The following CNN3 variants were observed in gnomAD, a reference collection of about 807,000 sequenced individuals.
CNN3 encodes calponin-3.
In CNN3, 11 loss-of-function variants were observed where a neutral mutation model predicts 39.0. That is an observed-to-expected ratio of 0.28 (90% CI 0.18 to 0.47). CNN3 has a LOEUF of 0.47. Among genes scored for constraint, CNN3 ranks in the 20% least tolerant of loss-of-function variants. CNN3 has a pLI of 0.99. For missense variants in CNN3, 266 were observed against 403.4 expected, an observed-to-expected ratio of 0.66 and a Z score of 2.92; for synonymous variants, 101 against 138.3, an observed-to-expected ratio of 0.73 and a Z score of 1.89.
rs375960269 is a variant in CNN3, at chr1:94,916,735, A to T, written c.57+10103T>A. On this transcript the variant is annotated intron_variant, in intron 1 of 6. Coordinates refer to ENST00000370206, the MANE Select transcript of CNN3 (RefSeq NM_001839.5). ...ATGCTTGAATTAGAAGCCCATTTCC[A>T]CCATGCACAAAGTTTCCTCTGCTTC... Among the ~76,000 whole-genome samples the T allele has an allele frequency of 1.2e-4, 18 of 152,340 alleles. 1 individual carries two copies. The highest frequency in any genetic ancestry group is 8.5e-4 in the Admixed American group (13 of 15,310).
chr1:94,918,280 G>T (rs914640832), intron 1 of CNN3, among the ~76,000 whole-genome samples: 1 of 152,008 alleles, frequency 6.6e-6, no homozygotes, highest in Non-Finnish European at 1.5e-5. Flanking sequence ...ATCACCTGAG[G>T]TCAGAAGTTC....
chr1:94,919,887 G>A (rs549160032), intron 1 of CNN3, among the ~76,000 whole-genome samples: 18 of 151,712 alleles, frequency 1.2e-4, no homozygotes, highest in Non-Finnish European at 2.4e-4. Flanking sequence ...CCTACCTTGT[G>A]GGGGAAAACT....
chr1:94,907,614 A>C (rs1381158712), intron 1 of CNN3, among the ~76,000 whole-genome samples: 1 of 152,230 alleles, frequency 6.6e-6, no homozygotes, highest in Non-Finnish European at 1.5e-5. Flanking sequence ...TAATCCCAGC[A>C]TTCTGGGAGG....
chr1:94,907,984 C>T (rs1671054049), intron 1 of CNN3, among the ~76,000 whole-genome samples: 1 of 152,208 alleles, frequency 6.6e-6, no homozygotes, highest in Non-Finnish European at 1.5e-5. Flanking sequence ...GACTTTCTGC[C>T]TGGCTCTTTC....
chr1:94,924,338 G>C (rs1045905429), intron 1 of CNN3: 14 of 152,376 alleles, frequency 9.2e-5, no homozygotes, highest in African/African-American at 3.4e-4. Context: ...ATGGGAGGAA[G>C]GGCTGGGCGC....
chr1:94,898,517 T>G (rs1670781868), intron 6 of CNN3, among the ~76,000 whole-genome samples: 2 of 152,056 alleles, frequency 1.3e-5, no homozygotes, highest in South Asian at 2.1e-4. Context: ...TTTCAAAAAT[T>G]TATAATATAT....
At chr1:94,912,062 A>G (rs1018336394) in intron 1 of CNN3, among the ~76,000 whole-genome samples, 13 of 151,898 alleles carry the variant, frequency 8.6e-5, no homozygotes, top group African/African-American at 3.1e-4. Flanking sequence ...GTGAAATTCC[A>G]TCTCAAAAAA....
chr1:94,914,163 A>G (rs1310325536), intron 1 of CNN3, among the ~76,000 whole-genome samples: 1 of 152,192 alleles, frequency 6.6e-6, no homozygotes, highest in African/African-American at 2.4e-5. Flanking sequence ...CTGTCTCTTC[A>G]GCAGGACCTC....
At chr1:94,899,656 C>T in intron 5 of CNN3, 139 bp from the exon 6 acceptor site, 1 of 802,234 alleles carries the variant, frequency 1.2e-6, no homozygotes, top group Non-Finnish European at 1.9e-6. Context: ...GTCAACTCTT[C>T]TATGTGTCTA....
chr1:94,925,880 C>G lies in CNN3; in HGVS notation c.57+958G>C, dbSNP rs572477449. The G allele has an allele frequency of 5.3e-4, 494 of 932,522 alleles. 4 individuals carry two copies. In the South Asian group the frequency reaches 0.02, roughly 37 times the overall value. The allele number at this position is 932,522 out of a possible 1,614,324, so 57.8% of individuals were successfully genotyped here. A position where few individuals can be genotyped will look rare whatever the true frequency, so the allele number is the denominator to read the frequency against. Reference sequence around the variant, plus strand: ...CGCGCCGATTGGCTGGTCTCTCCCCCCAGAAACCCCTGATGTCATGGGCTT... The same window carrying G: ...CGCGCCGATTGGCTGGTCTCTCCCCGCAGAAACCCCTGATGTCATGGGCTT... On this transcript the variant is annotated intron_variant, in intron 1 of 6. Coordinates refer to ENST00000370206, the MANE Select transcript of CNN3 (RefSeq NM_001839.5).
rs911547310 is a variant in CNN3 at position 94,896,996 on chromosome 1, T to A, written c.*746A>T. ...AAATATTTATTTATAAAAAATACAA[T>A]GGGATAAGTTTATGCTGAGAAATGC... On this transcript the variant is annotated 3_prime_UTR_variant, in exon 7 of 7. Transcript: ENST00000370206. 4 of 152,348 alleles carry A rather than the reference T, an allele frequency of 2.6e-5. No homozygotes were observed. In the South Asian group the frequency reaches 6.2e-4, roughly 24 times the overall value. The allele number at this position is 152,348 out of a possible 1,614,324, so 9.4% of individuals were successfully genotyped here.
Position 94,897,526 on chromosome 1 carries a change from G to C in CNN3, c.*216C>G. ...CTTTTTACTTCATATGCGAGTTATT[G>C]ATTATGCTGTAGGATTTAACTATTA... On this transcript the variant is annotated 3_prime_UTR_variant, in exon 7 of 7. Coordinates refer to ENST00000370206, the MANE Select transcript of CNN3 (RefSeq NM_001839.5). 2.0e-6 allele frequency: 1 copy of C among 510,152 alleles called. No homozygotes were observed. The highest frequency in any genetic ancestry group is 3.3e-5 in the South Asian group (1 of 30,164). The allele number at this position is 510,152 out of a possible 1,614,324, so 31.6% of individuals were successfully genotyped here. A position where few individuals can be genotyped will look rare whatever the true frequency, so the allele number is the denominator to read the frequency against.
chr1:94,904,628 T>A (rs1670949833), intron 1 of CNN3, among the ~76,000 whole-genome samples: 1 of 152,034 alleles, frequency 6.6e-6, no homozygotes, highest in African/African-American at 2.4e-5. Context: ...ATGCCTGTCA[T>A]CCCAGTGACT....
intron 1 of CNN3, among the ~76,000 whole-genome samples, chr1:94,906,146 C>T (rs1388218641): frequency 6.6e-6 from 1 of 152,108 alleles, no homozygotes; most frequent in East Asian, 1.9e-4. Context: ...CCACGCCACG[C>T]TAATTTTCAT....
intron 1 of CNN3, among the ~76,000 whole-genome samples, chr1:94,915,190 C>G (rs1671252183): frequency 1.3e-5 from 2 of 152,050 alleles, no homozygotes; most frequent in African/African-American, 4.8e-5. Flanking sequence ...AAGTAAAAAG[C>G]CATTAGGTTC....
At chr1:94,916,077 C>A (rs2101734993) in intron 1 of CNN3, among the ~76,000 whole-genome samples, 1 of 152,216 alleles carries the variant, frequency 6.6e-6, no homozygotes, top group African/African-American at 2.4e-5. Flanking sequence ...TTAATTGAAC[C>A]TGCTGCCAGC....
chr1:94,907,324 T>C (rs1183236521), intron 1 of CNN3, among the ~76,000 whole-genome samples: 1 of 152,228 alleles, frequency 6.6e-6, no homozygotes, highest in Non-Finnish European at 1.5e-5. Flanking sequence ...GTGAGCTTTA[T>C]GCAGTCAGGC....
chr1:94,914,774 T>C (rs987039414), intron 1 of CNN3, among the ~76,000 whole-genome samples: 9 of 152,184 alleles, frequency 5.9e-5, no homozygotes, highest in African/African-American at 1.7e-4. Flanking sequence ...ATGGGATAGA[T>C]GCTGATGGAA....
intron 1 of CNN3, among the ~76,000 whole-genome samples, chr1:94,918,519 A>AAAAAC (rs1557915304): frequency 1.5e-5 from 2 of 136,928 alleles, no homozygotes; most frequent in Non-Finnish European, 1.6e-5. Context: ...AAAAAAAAAA[A>AAAAAC]AGTCGGCAAG....
Sources: allele counts gnomAD v4.1 joint callset (sites outside exome capture counted in the v4.1 genomes callset), GRCh38; gene constraint gnomAD v4.1.1; transcripts MANE v1.5; gene names NCBI Gene and HGNC (gene_info 2026-07-23, HGNC 2026-07-21).